The following MACF1 variants were observed in gnomAD, a reference collection of about 807,000 sequenced individuals.
MACF1 encodes microtubule actin crosslinking factor 1.
Under a neutral mutation model 854.8 loss-of-function variants are expected in MACF1, and 193 were observed. The observed-to-expected ratio is 0.23, with a 90% CI of 0.20 to 0.25. The LOEUF (loss-of-function observed/expected upper bound fraction) is 0.25, where lower values mean the gene tolerates loss of function less well. Ranked by LOEUF, MACF1 falls within the 10% of genes least tolerant of loss-of-function variation. The probability of loss-of-function intolerance (pLI) is 1.00; values close to 1 mark genes in which losing one functional copy is unlikely to be tolerated. For synonymous variants in MACF1, 3,185 were observed against 3,226.7 expected, an observed-to-expected ratio of 0.99 and a Z score of 0.44; for missense variants, 7,722 against 8,929.1, an observed-to-expected ratio of 0.86 and a Z score of 5.45.
intron 2 of MACF1, among the ~76,000 whole-genome samples, chr1:39,170,182 A>G (rs1643929153): frequency 6.6e-6 from 1 of 152,106 alleles, no homozygotes; most frequent in South Asian, 2.1e-4. Context: ...CTTTCTTCTG[A>G]TGAAGACTTC....
At chr1:39,323,541 A>G (rs1646551934) in intron 33 of MACF1, among the ~76,000 whole-genome samples, 1 of 151,878 alleles carries the variant, frequency 6.6e-6, no homozygotes, top group South Asian at 2.1e-4. Context: ...AAAACTGTGT[A>G]CTACAAAGAC....
intron 2 of MACF1, among the ~76,000 whole-genome samples, chr1:39,151,328 A>G (rs1055904889): frequency 3.3e-5 from 5 of 152,210 alleles, no homozygotes; most frequent in African/African-American, 9.7e-5. Flanking sequence ...TTCTGTATCT[A>G]TAGTGTCCTA....
At chr1:39,250,128 TCA>T in intron 3 of MACF1, 25 bp downstream of exon 3, 1 of 1,496,008 alleles carries the variant, frequency 6.7e-7, no homozygotes, top group Non-Finnish European at 9.3e-7. Context: ...ATGAATGGCC[TCA>T]CAATTGTGGC....
At chr1:39,361,140 G>A (rs1442528798) in intron 48 of MACF1, 139 bp downstream of exon 48, 2 of 862,958 alleles carry the variant, frequency 2.3e-6, no homozygotes, top group Non-Finnish European at 3.6e-6. Flanking sequence ...ACTAATCTAT[G>A]TAAAGATATT....
chr1:39,459,220 C>T lies in MACF1; in HGVS notation c.21331C>T (p.Leu7111=), dbSNP rs1196256647. 6.2e-7 allele frequency: 1 copy of T among 1,613,782 alleles called. No homozygotes were observed. The highest frequency in any genetic ancestry group is 8.5e-7 in the Non-Finnish European group (1 of 1,179,908). The change falls in exon 91 of 101, where the codon CTG becomes TTG. Residue 7111 remains leucine, a synonymous_variant. Transcript: ENST00000564288. The part of the protein sequence containing the change: ...WLLALERQRK[L]NDALDRLEEL... ...GTTAGCACTGGAGCGGCAAAGGAAA[C>T]TGAATGATGCCTTGGATCGGCTGGA...
chr1:39,176,856 A>G (rs537648443), intron 2 of MACF1, among the ~76,000 whole-genome samples: 1 of 152,306 alleles, frequency 6.6e-6, no homozygotes, highest in South Asian at 2.1e-4. Flanking sequence ...CTTTCCTCCA[A>G]ATCACATTGC....
In MACF1 at chr1:39,332,696, T is replaced by C. The variant is rs1237539086; in HGVS notation, c.6108T>C (p.Thr2036=). ...KISGTFSSGW[T]VRLPEFQFSS... ...CAGGAACTTTCAGCAGTGGGTGGAC[T>C]GTGAGGCTGCCTGAGTTCCAGTTTT... Residue 2036 remains threonine, a synonymous_variant, in exon 37 of 101, where the codon ACT becomes ACC. Transcript: ENST00000564288. The C allele has an allele frequency of 6.2e-7, 1 of 1,614,150 alleles. No individual in the cohort carries two copies. Among genetic ancestry groups the C allele is most frequent in the South Asian group, 1.1e-5 (1 of 91,084 alleles).
At chr1:39,296,802 A>AAGGAAGGAAAAG (rs1557571425) in intron 20 of MACF1, among the ~76,000 whole-genome samples, 1 of 93,248 alleles carries the variant, frequency 1.1e-5, no homozygotes. Flanking sequence ...GGAAGGAAGG[A>AAGGAAGGAAAAG]AAAGAAAGAA....
Position 39,443,482 on chromosome 1 carries a change from T to C in MACF1, c.19339T>C (p.Leu6447=), listed in dbSNP as rs1210328601. The C allele has an allele frequency of 1.2e-5, 19 of 1,613,756 alleles. No individual in the cohort carries two copies. Among genetic ancestry groups the C allele is most frequent in the Non-Finnish European group, 1.6e-5 (19 of 1,179,886 alleles). Residue 6447 remains leucine (L), a synonymous_variant, in exon 79 of 101, where the codon TTG becomes CTG. Transcript: ENST00000564288. The part of the protein sequence containing the change: ...GFHSEIEDFL[L]ELTRMESQLS... The stretch of plus-strand genomic sequence containing the variant: ...CCACAGTGAAATTGAAGATTTCCTC[T>C]TGGAACTTACTAGAATGGAGAGCCA...
intron 2 of MACF1, among the ~76,000 whole-genome samples, chr1:39,099,259 G>A (rs1271086116): frequency 2.0e-5 from 3 of 152,134 alleles, no homozygotes; most frequent in Non-Finnish European, 2.9e-5. Flanking sequence ...GGGTTCAAGC[G>A]ATTCTCCTGC....
Position 39,482,859 on chromosome 1 carries a change from A to G in MACF1, c.22282-1742A>G, listed in dbSNP as rs551751215. Among the ~76,000 whole-genome samples, 533 of 151,182 alleles carry G rather than the reference A, an allele frequency of 3.5e-3. 2 individuals are homozygous for G. Among genetic ancestry groups the G allele is most frequent in the Non-Finnish European group, 5.9e-3 (399 of 67,812 alleles). On this transcript the variant is annotated intron_variant, in intron 99 of 100. Transcript: ENST00000564288. Reference sequence around the variant, plus strand: ...CTGGACATGGTGGCTCACCCCTGTAATCCCAACACTTTGTGAGGCCGAGGT... The same window carrying G: ...CTGGACATGGTGGCTCACCCCTGTAGTCCCAACACTTTGTGAGGCCGAGGT...
chr1:39,176,445 T>C (rs1245963934), intron 2 of MACF1, among the ~76,000 whole-genome samples: 1 of 152,150 alleles, frequency 6.6e-6, no homozygotes, highest in Non-Finnish European at 1.5e-5. Context: ...AGGGAAGACT[T>C]CTAATAGTCC....
chr1:39,398,706 C>T (rs1332507166), intron 58 of MACF1, among the ~76,000 whole-genome samples: 2 of 152,172 alleles, frequency 1.3e-5, no homozygotes, highest in East Asian at 1.9e-4. Context: ...GTGTTGCTTC[C>T]GGGAGTGACT....
intron 2 of MACF1, among the ~76,000 whole-genome samples, chr1:39,136,118 G>A (rs1056773492): frequency 1.3e-5 from 2 of 152,166 alleles, no homozygotes; most frequent in Non-Finnish European, 2.9e-5. Context: ...GGAGCTACAT[G>A]TTCTTCTCTG....
rs148090606 is a variant in MACF1 at position 39,183,924 on chromosome 1, A to G, written c.221-47258A>G. Reference sequence around the variant, plus strand: ...GGAAGAGGCTCAGGCCTGTGTTGGCAGGAAGAAGTGACTCATTTTTCATCA... The same window carrying G: ...GGAAGAGGCTCAGGCCTGTGTTGGCGGGAAGAAGTGACTCATTTTTCATCA... On this transcript the variant is annotated intron_variant, in intron 2 of 93. Coordinates refer to the MACF1 transcript ENST00000361689. Among the ~76,000 whole-genome samples the G allele has an allele frequency of 1.6e-3, 247 of 152,342 alleles. 1 individual carries two copies. Among genetic ancestry groups the G allele is most frequent in the East Asian group, 8.5e-3 (44 of 5,182 alleles).
Position 39,424,295 on chromosome 1 carries a change from G to A in MACF1, c.16316+101G>A, listed in dbSNP as rs888825799. 3.8e-6 allele frequency: 4 copies of A among 1,039,038 alleles called. No homozygotes were observed. The African/African-American group carries it at 6.5e-5, about 17-fold the overall frequency. The allele number at this position is 1,039,038 out of a possible 1,614,324, so 64.4% of individuals were successfully genotyped here. A position where few individuals can be genotyped will look rare whatever the true frequency, so the allele number is the denominator to read the frequency against. ...CTTGGATGATTCATATAGATTTTTG[G>A]AAGGTGTTTAATGGCTTTTATTTGA... On this transcript the variant is annotated intron_variant, in intron 61 of 100. Transcript: ENST00000564288.
At chr1:39,417,831 G>T in intron 58 of MACF1, among the ~76,000 whole-genome samples, 1 of 144,238 alleles carries the variant, frequency 6.9e-6, no homozygotes, top group East Asian at 2.1e-4. Context: ...GCCTGCCTCG[G>T]CGTCCCAAAG....
chr1:39,380,207 C>G (rs918689535), intron 54 of MACF1, 37 bp from the exon 55 acceptor site: 2 of 1,603,568 alleles, frequency 1.2e-6, no homozygotes, highest in Non-Finnish European at 1.7e-6. Context: ...GTTTCCTGTC[C>G]AGAATCTCAT....
chr1:39,146,919 C>T (rs903071100), intron 2 of MACF1, among the ~76,000 whole-genome samples: 1 of 152,168 alleles, frequency 6.6e-6, no homozygotes, highest in Admixed American at 6.5e-5. Flanking sequence ...GATTAGTATA[C>T]ATTGCATGCC....
Sources: allele counts gnomAD v4.1 joint callset (sites outside exome capture counted in the v4.1 genomes callset), GRCh38; gene constraint gnomAD v4.1.1; transcripts MANE v1.5; gene names NCBI Gene and HGNC (gene_info 2026-07-23, HGNC 2026-07-21).